Variants in HADH observed in about 807,000 individuals in gnomAD.
HADH encodes the protein hydroxyacyl-CoA dehydrogenase.
In HADH, 24 loss-of-function variants were observed where a neutral mutation model predicts 32.2. The ratio of observed to expected loss-of-function variants is 0.75; its 90% CI spans 0.54 to 1.05. The LOEUF (loss-of-function observed/expected upper bound fraction) is 1.05, where lower values mean the gene tolerates loss of function less well. Among genes scored for constraint, HADH ranks in the 50% least tolerant of loss-of-function variants. HADH has a pLI of 0.00. For synonymous variants in HADH, 139 were observed against 152.5 expected, an observed-to-expected ratio of 0.91 and a Z score of 0.65; for missense variants, 350 against 397.1, an observed-to-expected ratio of 0.88 and a Z score of 1.01.
At chr4:108,001,868 G>T (rs757609299) in intron 1 of HADH, among the ~76,000 whole-genome samples, 1 of 152,210 alleles carries the variant, frequency 6.6e-6, no homozygotes, top group Non-Finnish European at 1.5e-5. Flanking sequence ...GTTGGTAACT[G>T]AAACTACAGA....
At chr4:107,999,350 C>T (rs1735047308) in intron 1 of HADH, among the ~76,000 whole-genome samples, 2 of 152,204 alleles carry the variant, frequency 1.3e-5, no homozygotes, top group Non-Finnish European at 1.5e-5. Context: ...CCCTACATTT[C>T]CCCTTTTACC....
chr4:107,992,003 A>C (rs1165652636), intron 1 of HADH, among the ~76,000 whole-genome samples: 1 of 152,244 alleles, frequency 6.6e-6, no homozygotes, highest in Non-Finnish European at 1.5e-5. Context: ...TGCTGCATCC[A>C]TCATTGGCCA....
chr4:108,015,616 G>A (rs951872427), intron 3 of HADH, among the ~76,000 whole-genome samples: 7 of 152,088 alleles, frequency 4.6e-5, no homozygotes, highest in Non-Finnish European at 8.8e-5. Context: ...GGTTTCCGTT[G>A]TTCTCCATCC....
chr4:108,000,664 G>A (rs1735095413), intron 1 of HADH, among the ~76,000 whole-genome samples: 2 of 152,200 alleles, frequency 1.3e-5, no homozygotes, highest in Admixed American at 1.3e-4. Flanking sequence ...AGGGTTGGGA[G>A]AAGTTTCACT....
At chr4:108,030,576 G>A (rs1210964209) in intron 6 of HADH, 2 of 152,370 alleles carry the variant, frequency 1.3e-5, no homozygotes, top group African/African-American at 4.8e-5. Flanking sequence ...TGTTGGGCAA[G>A]TCCCAGCCCC....
At chr4:108,005,759 G>A (rs752764562) in intron 1 of HADH, among the ~76,000 whole-genome samples, 30 of 152,174 alleles carry the variant, frequency 2.0e-4, no homozygotes, top group Admixed American at 6.5e-4. Flanking sequence ...CATTTGGAAC[G>A]CACTCTGTAT....
Position 108,019,664 on chromosome 4 carries a change from G to A in HADH, c.544G>A (p.Glu182Lys), listed in dbSNP as rs374179494. The A allele has an allele frequency of 6.2e-7, 1 of 1,614,066 alleles. No individual in the cohort carries two copies. Among genetic ancestry groups the A allele is most frequent in the South Asian group, 1.1e-5 (1 of 91,082 alleles). Residue 182 changes from glutamate to lysine, a missense_variant and splice_region_variant, in exon 4 of 8, where the codon GAG becomes AAG. Coordinates refer to ENST00000309522, the MANE Select transcript of HADH (RefSeq NM_005327.7). Reference protein sequence around the residue: ...FNPVPVMKLVEVIKTPMTSQK... With the variant: ...FNPVPVMKLVKVIKTPMTSQK... ...CCCAGTGCCTGTCATGAAACTTGTG[G>A]AGGTCAGTGGGTGTCAGCTTGTGTG...
intron 7 of HADH, among the ~76,000 whole-genome samples, chr4:108,033,596 A>G (rs1206009372): frequency 1.3e-5 from 2 of 152,240 alleles, no homozygotes; most frequent in Non-Finnish European, 2.9e-5. Context: ...TTATATAGCC[A>G]TAGTACAATA....
Position 108,034,464 on chromosome 4 carries a change from A to G in HADH, c.*107A>G. 2.6e-6 allele frequency: 2 copies of G among 773,998 alleles called. No homozygotes were observed. The highest frequency in any genetic ancestry group is 4.8e-6 in the Non-Finnish European group (2 of 415,720). 47.9% of individuals were successfully genotyped at this position (773,998 alleles called of 1,614,324 possible). A position where few individuals can be genotyped will look rare whatever the true frequency, so the allele number is the denominator to read the frequency against. On this transcript the variant is annotated 3_prime_UTR_variant, in exon 8 of 8. Coordinates refer to ENST00000309522, the MANE Select transcript of HADH (RefSeq NM_005327.7). ...GGTCAGACATTCCCTCACACAGTAC[A>G]GTTTAATAAATGTGCATTTTGATTG...
rs532458283 is a variant in HADH at position 108,034,525 on chromosome 4, A to T, written c.*168A>T. ...AAGTGATTATTACACCAGTTACAGC[A>T]GTAATAGATTCTCCATTAAGAAATA... On this transcript the variant is annotated 3_prime_UTR_variant, in exon 8 of 8. Transcript: ENST00000309522. 6.8e-4 allele frequency: 457 copies of T among 667,732 alleles called. 2 individuals carry two copies. Among genetic ancestry groups the T allele is most frequent in the Non-Finnish European group, 1.1e-3 (392 of 358,032 alleles). 41.4% of individuals were successfully genotyped at this position (667,732 alleles called of 1,614,324 possible).
intron 5 of HADH, 123 bp downstream of exon 5, chr4:108,023,686 C>T: frequency 1.3e-6 from 1 of 742,194 alleles, no homozygotes; most frequent in Non-Finnish European, 2.5e-6. Context: ...GCAAGCTTGT[C>T]CACATGCTGT....
chr4:107,993,314 G>T (rs1321849231), intron 1 of HADH, among the ~76,000 whole-genome samples: 1 of 152,086 alleles, frequency 6.6e-6, no homozygotes, highest in Non-Finnish European at 1.5e-5. Flanking sequence ...GCTGCAGCGG[G>T]TATGTTTTTT....
chr4:108,021,612 A>C (rs971764464), intron 4 of HADH, among the ~76,000 whole-genome samples: 1 of 152,192 alleles, frequency 6.6e-6, no homozygotes, highest in Non-Finnish European at 1.5e-5. Context: ...TGAATGAATG[A>C]GTGAATAAAC....
chr4:108,025,788 G>C (rs764582462), intron 5 of HADH: 1 of 152,268 alleles, frequency 6.6e-6, no homozygotes, highest in African/African-American at 2.4e-5. Context: ...GCTGAGGTGG[G>C]AGGGTCGCTT....
chr4:107,992,050 C>G (rs1401480893), intron 1 of HADH, among the ~76,000 whole-genome samples: 2 of 152,124 alleles, frequency 1.3e-5, no homozygotes, highest in Non-Finnish European at 2.9e-5. Context: ...GGCAGAGGGG[C>G]AATACCTAAA....
intron 1 of HADH, among the ~76,000 whole-genome samples, chr4:107,991,682 C>G (rs1734817594): frequency 6.6e-6 from 1 of 152,052 alleles, no homozygotes; most frequent in Non-Finnish European, 1.5e-5. Flanking sequence ...CCTAAAAGTT[C>G]CACAGGTTAT....
Position 107,989,915 on chromosome 4 carries a change from C to A in HADH, c.-18C>A. The stretch of plus-strand genomic sequence containing the variant: ...TTCCCTGCCCGGGTCTCCTCGCTGT[C>A]GCCGCCGCTGCCACACCATGGCCTT... On this transcript the variant is annotated 5_prime_UTR_variant, in exon 1 of 8. Coordinates refer to ENST00000309522, the MANE Select transcript of HADH (RefSeq NM_005327.7). The A allele has an allele frequency of 6.2e-7, 1 of 1,609,258 alleles. No homozygotes were observed.
rs756647666 is a variant in HADH, at chr4:108,009,867, A to T, written c.241A>T (p.Lys81Ter). The change falls in exon 2 of 8, where the codon AAG becomes TAG. Residue 81 changes from lysine (K) to a stop codon, truncating the protein, a stop_gained. Transcript: ENST00000309522. LOFTEE classifies it high-confidence loss of function. The part of the protein sequence containing the change: ...EESLRKVAKK[K>*]FAENLKAGDE... ...AAGCCTTAGGAAAGTGGCAAAGAAG[A>T]AGTTTGCAGAAAACCTTAAGGTAAT... 2.5e-6 allele frequency: 4 copies of T among 1,611,064 alleles called. No individual in the cohort carries two copies. Among genetic ancestry groups the T allele is most frequent in the Non-Finnish European group, 3.4e-6 (4 of 1,177,292 alleles).
At chr4:107,996,359 G>C (rs1260610212) in intron 1 of HADH, among the ~76,000 whole-genome samples, 2 of 152,074 alleles carry the variant, frequency 1.3e-5, no homozygotes, top group Non-Finnish European at 2.9e-5. Flanking sequence ...TAAATATAAC[G>C]ATGCTGTTGA....
Sources: gnomAD v4.1 joint callset for allele counts (sites outside exome capture counted in the v4.1 genomes callset) on GRCh38, gnomAD v4.1.1 for gene constraint, MANE v1.5 for transcripts, NCBI Gene and HGNC (gene_info 2026-07-23, HGNC 2026-07-21) for gene names.